The following LRCH3 variants were observed in gnomAD, a reference collection of about 807,000 sequenced individuals.
The protein encoded by LRCH3 is DISP complex protein LRCH3.
Under a neutral mutation model 104.5 loss-of-function variants are expected in LRCH3, and 68 were observed. The observed-to-expected ratio is 0.65, with a 90% CI of 0.54 to 0.80. The LOEUF (loss-of-function observed/expected upper bound fraction) is 0.80. Among genes scored for constraint, LRCH3 ranks in the 30% least tolerant of loss-of-function variants. LRCH3 has a pLI of 0.00. For synonymous variants in LRCH3, 344 were observed against 361.3 expected (o/e 0.95, Z 0.54); for missense variants, 951 against 953.9 (o/e 1.00, Z 0.04).
intron 8 of LRCH3, among the ~76,000 whole-genome samples, chr3:197,835,100 C>T (rs905108140): frequency 6.6e-6 from 1 of 152,120 alleles, no homozygotes; most frequent in Non-Finnish European, 1.5e-5. Context: ...GCCAAGATTG[C>T]ACCACTGCAC....
intron 20 of LRCH3, among the ~76,000 whole-genome samples, chr3:197,879,442 C>CCACT (rs1560062775): frequency 6.6e-6 from 1 of 151,184 alleles, no homozygotes; most frequent in Non-Finnish European, 1.5e-5. Flanking sequence ...GTCAGGAGAT[C>CCACT]GAGACCATCC....
intron 1 of LRCH3, among the ~76,000 whole-genome samples, chr3:197,800,695 A>G (rs1388807820): frequency 6.6e-6 from 1 of 152,250 alleles, no homozygotes; most frequent in Non-Finnish European, 1.5e-5. Flanking sequence ...GTGTGTATGT[A>G]TACCAGGATA....
chr3:197,863,261 T>TTTAG (rs1371304837), intron 15 of LRCH3, among the ~76,000 whole-genome samples: 1 of 152,024 alleles, frequency 6.6e-6, no homozygotes, highest in African/African-American at 2.4e-5. Flanking sequence ...TAGCTTTTCT[T>TTTAG]TTATTTATTT....
At chr3:197,882,751 G>GC in intron 20 of LRCH3, 1 of 985,376 alleles carries the variant, frequency 1.0e-6, no homozygotes, top group Non-Finnish European at 1.2e-6. Flanking sequence ...CATTAAGGAA[G>GC]CGTTTAACTT....
At chr3:197,842,148 T>C (rs1402944523) in intron 10 of LRCH3, among the ~76,000 whole-genome samples, 1 of 152,038 alleles carries the variant, frequency 6.6e-6, no homozygotes, top group Non-Finnish European at 1.5e-5. Flanking sequence ...ATGATTACTG[T>C]TTAACTCGGG....
intron 19 of LRCH3, among the ~76,000 whole-genome samples, chr3:197,874,756 C>T (rs1001159771): frequency 2.0e-5 from 3 of 152,094 alleles, no homozygotes; most frequent in African/African-American, 7.2e-5. Context: ...TAGTACTTGC[C>T]TTCCAAAATC....
intron 12 of LRCH3, chr3:197,851,095 C>T (rs928615957): frequency 1.7e-6 from 1 of 582,000 alleles, no homozygotes; most frequent in Non-Finnish European, 3.1e-6. Context: ...GTGATTAGAA[C>T]AAGGCAGGTT....
In LRCH3 at chr3:197,832,256, A is replaced by AACAAAGG; in HGVS notation, c.1041_1042insACAAAGG (p.Leu348ThrfsTer26). The AACAAAGG allele has an allele frequency of 1.2e-6, 2 of 1,613,940 alleles. No individual in the cohort carries two copies. The highest frequency in any genetic ancestry group is 1.7e-6 in the Non-Finnish European group (2 of 1,179,846). The stretch of plus-strand genomic sequence containing the variant: ...TAGCAGAGATTACTAAAGAACAAAG[A>AACAAAGG]CTACGAAGAGAAAGCCAGTACCAAG... On this transcript the variant is annotated frameshift_variant, in exon 8 of 21. Coordinates refer to ENST00000425562, the MANE Select transcript of LRCH3 (RefSeq NM_001365715.1). LOFTEE classifies it high-confidence loss of function.
chr3:197,817,912 C>T (rs1734036492), intron 3 of LRCH3, among the ~76,000 whole-genome samples: 1 of 152,116 alleles, frequency 6.6e-6, no homozygotes, highest in African/African-American at 2.4e-5. Context: ...GCTTTGCCTC[C>T]CAGGTTCACG....
Position 197,847,237 on chromosome 3 carries a change from A to G in LRCH3, c.1329-172A>G, listed in dbSNP as rs543100729. ...TCAGATTTTCCTCTGGTTTCACTTA[A>G]TGACTTGGACTTAGGTTTACAAAAT... On this transcript the variant is annotated intron_variant, in intron 10 of 20. Transcript: ENST00000425562. 2.0e-5 allele frequency among the ~76,000 whole-genome samples: 3 copies of G among 152,350 alleles called. No homozygotes were observed. The South Asian group carries it at 6.2e-4, about 32-fold the overall frequency.
chr3:197,827,884 C>T lies in LRCH3; in HGVS notation c.777+870C>T, dbSNP rs999383605. 4.6e-5 allele frequency among the ~76,000 whole-genome samples: 7 copies of T among 152,034 alleles called. No homozygotes were observed. The East Asian group carries it at 1.4e-3, about 29-fold the overall frequency. On this transcript the variant is annotated intron_variant, in intron 5 of 20. Transcript: ENST00000425562. ...ATGAGGTCAGGAGATCGAGATCATC[C>T]TGGCCAACATGGTGAAACCTTGTCT...
At chr3:197,876,402 T>C (rs2109550796) in intron 20 of LRCH3, 1 of 152,368 alleles carries the variant, frequency 6.6e-6, no homozygotes, top group South Asian at 2.1e-4. Context: ...TGAGGATTTA[T>C]TGCCTCCAGC....
chr3:197,812,798 G>C (rs1489183667), intron 1 of LRCH3, among the ~76,000 whole-genome samples: 1 of 152,102 alleles, frequency 6.6e-6, no homozygotes, highest in Non-Finnish European at 1.5e-5. Flanking sequence ...CTGACCTCAA[G>C]TGATCCACCC....
intron 20 of LRCH3, chr3:197,882,812 C>G: frequency 1.0e-6 from 1 of 985,234 alleles, no homozygotes; most frequent in Non-Finnish European, 1.2e-6. Context: ...TCAACATGTT[C>G]CTGCCTAAGC....
chr3:197,873,878 G>A (rs1712540340), intron 19 of LRCH3, among the ~76,000 whole-genome samples: 2 of 151,998 alleles, frequency 1.3e-5, no homozygotes, highest in Non-Finnish European at 2.9e-5. Flanking sequence ...AAAATTAGCT[G>A]TGCATGGTGG....
chr3:197,875,280 T>TA (rs909926557), intron 19 of LRCH3, among the ~76,000 whole-genome samples: 12 of 152,154 alleles, frequency 7.9e-5, no homozygotes, highest in African/African-American at 2.9e-4. Flanking sequence ...TCTGATCCTT[T>TA]AAAAAAAAGT....
intron 20 of LRCH3, among the ~76,000 whole-genome samples, chr3:197,878,131 T>C (rs529832415): frequency 3.5e-4 from 53 of 152,246 alleles, no homozygotes; most frequent in African/African-American, 1.2e-3. Context: ...GTGCAGAGAA[T>C]GGGAAATGCA....
intron 1 of LRCH3, among the ~76,000 whole-genome samples, chr3:197,802,369 T>C (rs1731997276): frequency 6.6e-6 from 1 of 152,096 alleles, no homozygotes; most frequent in African/African-American, 2.4e-5. Flanking sequence ...ATTTTGGAGG[T>C]TGGAAAGACC....
chr3:197,811,232 A>T (rs1168839936), intron 1 of LRCH3, among the ~76,000 whole-genome samples: 1 of 152,138 alleles, frequency 6.6e-6, no homozygotes, highest in African/African-American at 2.4e-5. Flanking sequence ...AATATTTTAA[A>T]TTATTACTTT....
Sources: gnomAD v4.1 joint callset for allele counts (sites outside exome capture counted in the v4.1 genomes callset) on GRCh38, gnomAD v4.1.1 for gene constraint, MANE v1.5 for transcripts, NCBI Gene and HGNC (gene_info 2026-07-23, HGNC 2026-07-21) for gene names.